Variants in TBC1D13 observed in about 807,000 individuals in gnomAD.
TBC1D13 encodes the protein TBC1 domain family member 13, also known as epididymis secretory sperm binding protein.
In TBC1D13, 40 loss-of-function variants were observed where a neutral mutation model predicts 53.6. The observed-to-expected ratio is 0.75, with a 90% CI of 0.58 to 0.97. TBC1D13 has a LOEUF of 0.97. Ranked by LOEUF, TBC1D13 falls within the 50% of genes least tolerant of loss-of-function variation. The pLI, the probability that TBC1D13 is intolerant of heterozygous loss-of-function variation, is 0.00. For missense variants in TBC1D13, 377 were observed against 499.4 expected, an observed-to-expected ratio of 0.75 and a Z score of 2.34; for synonymous variants, 182 against 197.7, an observed-to-expected ratio of 0.92 and a Z score of 0.67.
In TBC1D13 at chr9:128,791,427, C is replaced by G. The variant is rs267602138; in HGVS notation, c.186C>G (p.Ile62Met). ...TGGAGAGAGCCTCATGGACCTCCAT[C>G]CTGGCCAAGCAGAGGTGAGACCCCG... The part of the protein sequence containing the change: ...LPLERASWTS[I>M]LAKQRELYAQ... Residue 62 changes from isoleucine (I) to methionine (M), a missense_variant, in exon 4 of 12, where the codon ATC becomes ATG. By Grantham distance (10) the Ile-to-Met change is conservative. Transcript: ENST00000372648. 6.2e-7 allele frequency: 1 copy of G among 1,614,184 alleles called. No individual in the cohort carries two copies. Among genetic ancestry groups the G allele is most frequent in the Non-Finnish European group, 8.5e-7 (1 of 1,180,030 alleles).
At position 128,790,385 on chromosome 9, in the gene TBC1D13, C is replaced by T. The variant is rs540172617; in HGVS notation, c.98-350C>T. On this transcript the variant is annotated intron_variant, in intron 2 of 11. Coordinates refer to ENST00000372648, the MANE Select transcript of TBC1D13 (RefSeq NM_018201.5). Reference sequence around the variant, plus strand: ...GGTCAGGAGTTCAAGCCCAGCCTAGCCAACATGGTGAAACCTTGTCTCTAC... The same window carrying T: ...GGTCAGGAGTTCAAGCCCAGCCTAGTCAACATGGTGAAACCTTGTCTCTAC... Among the ~76,000 whole-genome samples the T allele has an allele frequency of 3.3e-3, 508 of 152,184 alleles. 4 individuals carry two copies. Among genetic ancestry groups the T allele is most frequent in the African/African-American group, 0.012 (491 of 41,546 alleles).
intron 1 of TBC1D13, among the ~76,000 whole-genome samples, 196 bp downstream of exon 1, chr9:128,787,572 A>G (rs58099274): frequency 0.013 from 1,950 of 151,956 alleles, 33 homozygotes; most frequent in East Asian, 0.045. Flanking sequence ...CCTGCCCCTG[A>G]TGTCACTGCT....
intron 7 of TBC1D13, among the ~76,000 whole-genome samples, chr9:128,801,356 C>T (rs114408284): frequency 1.3e-3 from 197 of 152,160 alleles, no homozygotes; most frequent in African/African-American, 4.6e-3. Context: ...CCCTCCCCAA[C>T]CCCATCCCCT....
At chr9:128,806,623 G>A (rs961996587) in intron 11 of TBC1D13, among the ~76,000 whole-genome samples, 3 of 152,192 alleles carry the variant, frequency 2.0e-5, no homozygotes, top group Non-Finnish European at 2.9e-5. Context: ...TCAGGCCCGG[G>A]GAAGGAGGGT....
intron 2 of TBC1D13, among the ~76,000 whole-genome samples, chr9:128,789,329 A>AAAG (rs1829486624): frequency 2.0e-5 from 3 of 151,246 alleles, no homozygotes; most frequent in Admixed American, 2.0e-4. Context: ...AAAAAAAAAA[A>AAAG]AAAAAAAGAA....
At chr9:128,791,722 G>A in intron 5 of TBC1D13, 29 bp downstream of exon 5, 1 of 1,604,370 alleles carries the variant, frequency 6.2e-7, no homozygotes, top group Non-Finnish European at 8.5e-7. Context: ...CGGAGACCCA[G>A]GATACAGAAT....
chr9:128,787,821 T>G (rs1829456971), intron 1 of TBC1D13, among the ~76,000 whole-genome samples: 1 of 152,172 alleles, frequency 6.6e-6, no homozygotes, highest in African/African-American at 2.4e-5. Flanking sequence ...TTGCTCACTC[T>G]TCAGTTTTCC....
chr9:128,791,400 C>T lies in TBC1D13; in HGVS notation c.159C>T (p.Pro53=). 2.5e-6 allele frequency: 4 copies of T among 1,614,166 alleles called. No homozygotes were observed. The highest frequency in any genetic ancestry group is 3.4e-6 in the Non-Finnish European group (4 of 1,180,022). ...TGCAGATTCTCTTGAACTACCTTCC[C>T]TTGGAGAGAGCCTCATGGACCTCCA... The part of the protein sequence containing the change: ...LCWKILLNYL[P]LERASWTSIL... The change falls in exon 4 of 12, where the codon CCC becomes CCT. Residue 53 remains proline, a synonymous_variant. Coordinates refer to ENST00000372648, the MANE Select transcript of TBC1D13 (RefSeq NM_018201.5).
chr9:128,791,222 G>C (rs1829526374), intron 3 of TBC1D13, among the ~76,000 whole-genome samples, 158 bp from the exon 4 acceptor site: 2 of 152,176 alleles, frequency 1.3e-5, no homozygotes, highest in Non-Finnish European at 2.9e-5. Flanking sequence ...GAGGAAGGGG[G>C]AGGCTACCCC....
intron 6 of TBC1D13, among the ~76,000 whole-genome samples, chr9:128,793,666 C>T (rs192721377): frequency 6.6e-5 from 10 of 152,330 alleles, no homozygotes; most frequent in African/African-American, 2.2e-4. Context: ...ATGATCAGAT[C>T]TCCATCAGAG....
chr9:128,809,042 A>G lies in TBC1D13; in HGVS notation c.*1163A>G, dbSNP rs1214724760. ...GTCATTCCCTCGGCTTCCAGGTCCCAACCCAGGGTTGGGTTGAGTGAGTCC... is the reference window on the plus strand; with the variant it reads ...GTCATTCCCTCGGCTTCCAGGTCCCGACCCAGGGTTGGGTTGAGTGAGTCC... On this transcript the variant is annotated 3_prime_UTR_variant, in exon 12 of 12. Coordinates refer to ENST00000372648, the MANE Select transcript of TBC1D13 (RefSeq NM_018201.5). 6.6e-6 allele frequency: 1 copy of G among 152,230 alleles called. No homozygotes were observed. Among genetic ancestry groups the G allele is most frequent in the Non-Finnish European group, 1.5e-5 (1 of 68,096 alleles). 9.4% of individuals were successfully genotyped at this position (152,230 alleles called of 1,614,324 possible).
At chr9:128,790,655 C>A in intron 2 of TBC1D13, 80 bp from the exon 3 acceptor site, 1 of 1,372,710 alleles carries the variant, frequency 7.3e-7, no homozygotes, top group South Asian at 1.4e-5. Context: ...CTCTACTCCC[C>A]GCCAGTTGGC....
rs759659256 is a variant in TBC1D13, at chr9:128,791,401, T to A, written c.160T>A (p.Leu54Met). 9 of 1,614,040 alleles carry A rather than the reference T, an allele frequency of 5.6e-6. No homozygotes were observed. The Admixed American group carries it at 1.0e-4, about 18-fold the overall frequency. The change falls in exon 4 of 12, where the codon TTG becomes ATG. Residue 54 changes from leucine (L) to methionine (M), a missense_variant. Transcript: ENST00000372648. ...CWKILLNYLP[L>M]ERASWTSILA... ...GCAGATTCTCTTGAACTACCTTCCCTTGGAGAGAGCCTCATGGACCTCCAT... is the reference window on the plus strand; with the variant it reads ...GCAGATTCTCTTGAACTACCTTCCCATGGAGAGAGCCTCATGGACCTCCAT...
At chr9:128,792,613 A>T (rs368596679) in intron 6 of TBC1D13, 39 bp downstream of exon 6, 185 of 1,574,756 alleles carry the variant, frequency 1.2e-4, no homozygotes, top group Non-Finnish European at 1.5e-4. Flanking sequence ...GGCCCATGGG[A>T]CTTCTGGGGC....
Position 128,808,333 on chromosome 9 carries a change from C to T in TBC1D13, c.*454C>T, listed in dbSNP as rs966350430. ...GGAAGGCGACACTGAAAGCTGAGTC[C>T]TGCCGTCTGTCTCACCCACAGATGT... is the stretch of plus-strand genomic sequence containing the variant. On this transcript the variant is annotated 3_prime_UTR_variant, in exon 12 of 12. Transcript: ENST00000372648. The T allele has an allele frequency of 2.3e-4, 51 of 221,654 alleles. No individual in the cohort carries two copies. Among genetic ancestry groups the T allele is most frequent in the Non-Finnish European group, 4.6e-5 (5 of 108,058 alleles). The allele number at this position is 221,654 out of a possible 1,614,324, so 13.7% of individuals were successfully genotyped here.
chr9:128,790,213 C>A (rs1332779034), intron 2 of TBC1D13, among the ~76,000 whole-genome samples: 2 of 148,476 alleles, frequency 1.3e-5, no homozygotes, highest in Non-Finnish European at 3.0e-5. Context: ...GCAGAAATCA[C>A]GCCATTGCAC....
chr9:128,797,232 G>T lies in TBC1D13; in HGVS notation c.543+18G>T. ...TCACAAATGTGAGTGCCAACCTGGG[G>T]TCCCCAGGGACTCCCCCAACAGTAT... On this transcript the variant is annotated intron_variant, in intron 7 of 11. Coordinates refer to ENST00000372648, the MANE Select transcript of TBC1D13 (RefSeq NM_018201.5). 6.2e-7 allele frequency: 1 copy of T among 1,613,344 alleles called. No individual in the cohort carries two copies.
At chr9:128,807,362 C>CT (rs1829854975) in intron 11 of TBC1D13, among the ~76,000 whole-genome samples, 1 of 152,172 alleles carries the variant, frequency 6.6e-6, no homozygotes, top group African/African-American at 2.4e-5. Flanking sequence ...GCTGAGATTA[C>CT]AGGTGTGAGC....
rs750567219 is a variant in TBC1D13 at position 128,803,535 on chromosome 9, GCCTCTGTTCTC to G, written c.754+82_754+92del. ...CTGTGCACCTCACTTTCCCTCTCGG[GCCTCTGTTCTC>G]CCTCTGCCAGATGAGGAGTTGGCCT... On this transcript the variant is annotated intron_variant, in intron 8 of 11. Coordinates refer to ENST00000372648, the MANE Select transcript of TBC1D13 (RefSeq NM_018201.5). 459 of 1,408,128 alleles carry G rather than the reference GCCTCTGTTCTC, an allele frequency of 3.3e-4. 1 individual carries two copies. Among genetic ancestry groups the G allele is most frequent in the South Asian group, 1.5e-3 (128 of 83,788 alleles). 87.2% of individuals were successfully genotyped at this position (1,408,128 alleles called of 1,614,324 possible). A position where few individuals can be genotyped will look rare whatever the true frequency, so the allele number is the denominator to read the frequency against.
Sources: gnomAD v4.1 joint callset for allele counts (sites outside exome capture counted in the v4.1 genomes callset) on GRCh38, gnomAD v4.1.1 for gene constraint, MANE v1.5 for transcripts, NCBI Gene and HGNC (gene_info 2026-07-23, HGNC 2026-07-21) for gene names.